The following AGBL4 variants were observed in gnomAD, a reference collection of about 807,000 sequenced individuals.
AGBL4 encodes cytosolic carboxypeptidase 6.
In AGBL4, 58 loss-of-function variants were observed where a neutral mutation model predicts 66.4. That is an observed-to-expected ratio of 0.87 (90% CI 0.71 to 1.09). The LOEUF (loss-of-function observed/expected upper bound fraction) is 1.09. AGBL4 is among the 50% of genes least tolerant of loss of function. The pLI is 0.00. For synonymous variants in AGBL4, 234 were observed against 222.9 expected (o/e 1.05, Z -0.44); for missense variants, 579 against 631.0 (o/e 0.92, Z 0.88).
chr1:49,740,832 A>C (rs1650384816), intron 2 of AGBL4, among the ~76,000 whole-genome samples: 1 of 152,350 alleles, frequency 6.6e-6, no homozygotes, highest in Non-Finnish European at 1.5e-5. Context: ...GGCAGAAATA[A>C]AGATGTTCTT....
intron 1 of AGBL4, among the ~76,000 whole-genome samples, chr1:49,931,510 A>G (rs1557591137): frequency 6.6e-6 from 1 of 152,124 alleles, no homozygotes; most frequent in Admixed American, 6.6e-5. Flanking sequence ...GAAGTGCCAG[A>G]CACTTATCAA....
chr1:49,398,497 C>T (rs1645019370), intron 3 of AGBL4, among the ~76,000 whole-genome samples: 1 of 152,100 alleles, frequency 6.6e-6, no homozygotes, highest in Admixed American at 6.5e-5. Flanking sequence ...AGCTTGTAGA[C>T]AGCACATGGT....
chr1:49,596,360 A>G (rs1343165523), intron 3 of AGBL4, among the ~76,000 whole-genome samples: 1 of 152,130 alleles, frequency 6.6e-6, no homozygotes, highest in Non-Finnish European at 1.5e-5. Flanking sequence ...TGGTAGAGAC[A>G]GGGTTTCACC....
chr1:49,594,569 A>G (rs1644815385), intron 3 of AGBL4, among the ~76,000 whole-genome samples: 1 of 151,990 alleles, frequency 6.6e-6, no homozygotes, highest in Admixed American at 6.6e-5. Context: ...CCCTGTGTCC[A>G]TGTGTCCTCA....
At chr1:49,837,166 C>G (rs1432959947) in intron 2 of AGBL4, among the ~76,000 whole-genome samples, 11 of 152,318 alleles carry the variant, frequency 7.2e-5, no homozygotes, top group African/African-American at 2.6e-4. Context: ...GCCGCCCCTT[C>G]CCCCCAGGTG....
rs533948877 is a variant in AGBL4, at chr1:49,552,523, G to C, written c.282+144790C>G. On this transcript the variant is annotated intron_variant, in intron 3 of 13. Coordinates refer to ENST00000371839, the MANE Select transcript of AGBL4 (RefSeq NM_032785.4). The stretch of plus-strand genomic sequence containing the variant: ...TGTATTTCACTCATCTCTCTAAATT[G>C]ACTCAGTTCCAGGTAAGGTCGGAAA... 3.3e-5 allele frequency among the ~76,000 whole-genome samples: 5 copies of C among 152,230 alleles called. No individual in the cohort carries two copies. In the East Asian group the frequency reaches 9.6e-4, roughly 29 times the overall value.
rs998119680 is a variant in AGBL4, at chr1:49,699,515, A to G, written c.158-2078T>C. 9.2e-5 allele frequency among the ~76,000 whole-genome samples: 14 copies of G among 152,048 alleles called. 1 individual carries two copies. The highest frequency in any genetic ancestry group is 3.4e-4 in the African/African-American group (14 of 41,444). ...GTAGGACAAATATAACACAGAACATAAGCTGTAGATTTTATACCCAAATAT... is the reference window on the plus strand; with the variant it reads ...GTAGGACAAATATAACACAGAACATGAGCTGTAGATTTTATACCCAAATAT... On this transcript the variant is annotated intron_variant, in intron 2 of 13. Coordinates refer to ENST00000371839, the MANE Select transcript of AGBL4 (RefSeq NM_032785.4).
At chr1:48,976,034 C>A (rs1450094078) in intron 5 of AGBL4, among the ~76,000 whole-genome samples, 1 of 151,998 alleles carries the variant, frequency 6.6e-6, no homozygotes, top group African/African-American at 2.4e-5. Context: ...TTATTAATAG[C>A]CTAATGGTTT....
intron 3 of AGBL4, among the ~76,000 whole-genome samples, chr1:49,637,183 G>A (rs1203538482): frequency 6.6e-6 from 1 of 152,094 alleles, no homozygotes; most frequent in Admixed American, 6.5e-5. Context: ...TGTTGTTATT[G>A]TGTGAGTTAA....
chr1:49,083,296 G>T (rs1365103658), intron 4 of AGBL4, among the ~76,000 whole-genome samples: 1 of 152,186 alleles, frequency 6.6e-6, no homozygotes, highest in African/African-American at 2.4e-5. Flanking sequence ...TTCCTACACT[G>T]CCCTAGCAGA....
At chr1:49,161,348 C>T (rs557055846) in intron 4 of AGBL4, among the ~76,000 whole-genome samples, 7 of 152,202 alleles carry the variant, frequency 4.6e-5, no homozygotes, top group Middle Eastern at 3.4e-3. Flanking sequence ...GGTGATGCCC[C>T]GCCCTGCTTT....
At chr1:49,207,468 C>T (rs2500224) in intron 4 of AGBL4, among the ~76,000 whole-genome samples, 7 of 13,702 alleles carry the variant, frequency 5.1e-4, no homozygotes, top group Admixed American at 1.1e-3. Context: ...TTCTTTCTTT[C>T]TCTTTCTTTC....
intron 3 of AGBL4, among the ~76,000 whole-genome samples, chr1:49,573,497 T>C (rs1236097279): frequency 6.6e-6 from 1 of 152,170 alleles, no homozygotes; most frequent in Non-Finnish European, 1.5e-5. Flanking sequence ...TTTGACCATA[T>C]GTGGAGAACC....
rs1553185398 is a variant in AGBL4 at position 48,546,864 on chromosome 1, A to ACACACACACAC, written c.1268-7127_1268-7126insGTGTGTGTGTG. Among the ~76,000 whole-genome samples, 713 of 128,346 alleles carry ACACACACACAC rather than the reference A, an allele frequency of 5.6e-3. 4 individuals carry two copies. The highest frequency in any genetic ancestry group is 0.012 in the African/African-American group (403 of 34,560). The allele number at this position is 128,346 out of a possible 152,430, so 84.2% of individuals were successfully genotyped here. On this transcript the variant is annotated intron_variant, in intron 11 of 13. Coordinates refer to ENST00000371839, the MANE Select transcript of AGBL4 (RefSeq NM_032785.4). ...AAATAGCGAGGTAGTAAAACAAACAAACACACACACACACACACACACACA... is the reference window on the plus strand; with the variant it reads ...AAATAGCGAGGTAGTAAAACAAACAACACACACACACACACACACACACACACACACACACA...
intron 3 of AGBL4, among the ~76,000 whole-genome samples, chr1:49,372,928 C>T (rs1371524066): frequency 6.6e-6 from 1 of 151,722 alleles, no homozygotes; most frequent in Non-Finnish European, 1.5e-5. Context: ...CCAGCTAATT[C>T]CTGTATTTTT....
chr1:49,594,419 ATGTGCCATGGGTGGTT>A (rs1316631445), intron 3 of AGBL4, among the ~76,000 whole-genome samples: 1 of 152,208 alleles, frequency 6.6e-6, no homozygotes, highest in Non-Finnish European at 1.5e-5. Flanking sequence ...ATAGGTATAC[ATGTGCCATGGGTGGTT>A]TGCTGCACCC....
intron 1 of AGBL4, among the ~76,000 whole-genome samples, chr1:49,904,810 C>G (rs1650102045): frequency 6.6e-6 from 1 of 152,164 alleles, no homozygotes; most frequent in East Asian, 1.9e-4. Flanking sequence ...AGAGGCTATT[C>G]TCATGCCACA....
At chr1:49,149,047 T>A (rs1646275721) in intron 4 of AGBL4, among the ~76,000 whole-genome samples, 1 of 152,206 alleles carries the variant, frequency 6.6e-6, no homozygotes, top group South Asian at 2.1e-4. Flanking sequence ...GGACTTGAGC[T>A]ATGTATGGAC....
At chr1:48,872,895 C>A (rs1648825116) in intron 5 of AGBL4, among the ~76,000 whole-genome samples, 2 of 152,156 alleles carry the variant, frequency 1.3e-5, no homozygotes, top group Non-Finnish European at 2.9e-5. Context: ...TCACTCTAAA[C>A]GGGGGAGCAA....
Sources: gnomAD v4.1 joint callset for allele counts (sites outside exome capture counted in the v4.1 genomes callset) on GRCh38, gnomAD v4.1.1 for gene constraint, MANE v1.5 for transcripts, NCBI Gene and HGNC (gene_info 2026-07-23, HGNC 2026-07-21) for gene names.